VPS13B: variants seen among roughly 807,000 people sequenced by gnomAD.
The protein encoded by VPS13B is intermembrane lipid transfer protein VPS13B.
VPS13B carries 285 observed loss-of-function variants against 426.4 expected under a neutral mutation model. The observed-to-expected ratio is 0.67, with a 90% CI of 0.61 to 0.74. The LOEUF (loss-of-function observed/expected upper bound fraction) is 0.74. VPS13B is among the 30% of genes least tolerant of loss of function. The pLI is 0.00. For synonymous variants in VPS13B, 1,676 were observed against 1,676.4 expected (o/e 1.00, Z 0.01); for missense variants, 4,537 against 4,782.6 (o/e 0.95, Z 1.51).
At chr8:99,562,118 G>A (rs185681471) in intron 31 of VPS13B, among the ~76,000 whole-genome samples, 2 of 151,918 alleles carry the variant, frequency 1.3e-5, no homozygotes, top group Non-Finnish European at 2.9e-5. Context: ...TTGTTTTTTG[G>A]TAAGCTAACA....
chr8:99,273,611 C>A (rs1030471258), intron 17 of VPS13B, among the ~76,000 whole-genome samples: 1 of 151,818 alleles, frequency 6.6e-6, no homozygotes, highest in Admixed American at 6.6e-5. Context: ...ATGCTGAAAC[C>A]GCGTCTCTAC....
chr8:99,542,466 G>A (rs1455093565), intron 30 of VPS13B, among the ~76,000 whole-genome samples: 1 of 152,140 alleles, frequency 6.6e-6, no homozygotes, highest in Non-Finnish European at 1.5e-5. Flanking sequence ...AGGAAAAGAA[G>A]GTGGTCAGAA....
Position 99,267,551 on chromosome 8 carries a change from A to G in VPS13B, c.2516-6647A>G, listed in dbSNP as rs149579916. On this transcript the variant is annotated intron_variant, in intron 17 of 61. Coordinates refer to ENST00000357162, the MANE Select transcript of VPS13B (RefSeq NM_152564.5). ...GAGACCATCCTGGCTAACATGGAGA[A>G]ACCCTTCTCTACTAAAAATACAAAA... Among the ~76,000 whole-genome samples, 1,328 of 152,080 alleles carry G rather than the reference A, an allele frequency of 8.7e-3. 14 individuals are homozygous for G. The highest frequency in any genetic ancestry group is 0.014 in the Non-Finnish European group (942 of 67,968).
rs1162199533 is a variant in VPS13B at position 99,642,623 on chromosome 8, A to G, written c.5908+125A>G. ...AAAGTCTTTTCTCTACAGAATATGG[A>G]AAGTTCATGTTCCACAGCTGAATCC... On this transcript the variant is annotated intron_variant, in intron 34 of 61. Transcript: ENST00000357162. 5 of 833,100 alleles carry G rather than the reference A, an allele frequency of 6.0e-6. No individual in the cohort carries two copies. In the Admixed American group the frequency reaches 1.2e-4, roughly 20 times the overall value. The allele number at this position is 833,100 out of a possible 1,614,324, so 51.6% of individuals were successfully genotyped here.
Position 99,378,598 on chromosome 8 carries a change from A to T in VPS13B, c.2825-5610A>T, listed in dbSNP as rs571873496. Among the ~76,000 whole-genome samples, 5 of 152,204 alleles carry T rather than the reference A, an allele frequency of 3.3e-5. No individual in the cohort carries two copies. The East Asian group carries it at 9.6e-4, about 29-fold the overall frequency. On this transcript the variant is annotated intron_variant, in intron 19 of 61. Coordinates refer to ENST00000357162, the MANE Select transcript of VPS13B (RefSeq NM_152564.5). Reference sequence around the variant, plus strand: ...TATAAAAGTATTAATTTGGAGAACTAACAAATGTCCATGAAATCTTCACAA... The same window carrying T: ...TATAAAAGTATTAATTTGGAGAACTTACAAATGTCCATGAAATCTTCACAA...
chr8:99,763,135 C>CAGAA (rs1298112887), intron 39 of VPS13B, among the ~76,000 whole-genome samples: 1 of 35,848 alleles, frequency 2.8e-5, no homozygotes, highest in African/African-American at 1.4e-4. Flanking sequence ...GACCTTGTCT[C>CAGAA]AAAAAAAAAA....
chr8:99,561,794 T>C (rs1824936136), intron 31 of VPS13B, among the ~76,000 whole-genome samples: 1 of 152,254 alleles, frequency 6.6e-6, no homozygotes, highest in African/African-American at 2.4e-5. Flanking sequence ...GAGGATCATC[T>C]GTACACTACA....
intron 2 of VPS13B, among the ~76,000 whole-genome samples, chr8:99,029,382 G>A (rs1466878091): frequency 7.9e-5 from 12 of 151,934 alleles, no homozygotes; most frequent in Admixed American, 2.0e-4. Flanking sequence ...GGTGGCGGCC[G>A]GGCAGAGGCT....
At chr8:99,114,003 A>G (rs928726045) in intron 6 of VPS13B, among the ~76,000 whole-genome samples, 1 of 152,142 alleles carries the variant, frequency 6.6e-6, no homozygotes, top group Non-Finnish European at 1.5e-5. Context: ...TACAGATCCT[A>G]TGGGTACGTA....
chr8:99,462,585 A>C (rs1159297269), intron 23 of VPS13B, among the ~76,000 whole-genome samples: 1 of 152,148 alleles, frequency 6.6e-6, no homozygotes, highest in Non-Finnish European at 1.5e-5. Context: ...AGATTTTCAC[A>C]TACCTGACTT....
chr8:99,015,493 G>T (rs1023856914), intron 2 of VPS13B, among the ~76,000 whole-genome samples: 1 of 151,456 alleles, frequency 6.6e-6, no homozygotes, highest in African/African-American at 2.4e-5. Context: ...TGGGATTACA[G>T]GCATGAGCCA....
intron 51 of VPS13B, 44 bp downstream of exon 51, chr8:99,824,022 A>G (rs1814526934): frequency 2.5e-6 from 4 of 1,600,158 alleles, no homozygotes; most frequent in Non-Finnish European, 3.4e-6. Context: ...TTTGATAAAG[A>G]AACAATAAAT....
At position 99,808,142 on chromosome 8, in the gene VPS13B, T is replaced by C. The variant is rs528483664; in HGVS notation, c.7942-1233T>C. ...TGGGAGTTTTTCATGAGATTTACCT[T>C]TGGTTAGCTCTGTTAAAAAATTATA... On this transcript the variant is annotated intron_variant, in intron 43 of 61. Transcript: ENST00000357162. Among the ~76,000 whole-genome samples, 12 of 152,246 alleles carry C rather than the reference T, an allele frequency of 7.9e-5. No homozygotes were observed. In the East Asian group the frequency reaches 2.3e-3, roughly 29 times the overall value.
intron 3 of VPS13B, among the ~76,000 whole-genome samples, chr8:99,095,961 AT>A (rs1478428313): frequency 6.6e-6 from 1 of 152,112 alleles, no homozygotes; most frequent in East Asian, 1.9e-4. Context: ...CTTTTTATTT[AT>A]TTTGCACTTA....
intron 19 of VPS13B, among the ~76,000 whole-genome samples, chr8:99,328,003 G>T (rs1399750188): frequency 6.6e-6 from 1 of 152,186 alleles, no homozygotes; most frequent in African/African-American, 2.4e-5. Flanking sequence ...CCGATCTGTT[G>T]GCCATAGGCC....
intron 22 of VPS13B, among the ~76,000 whole-genome samples, chr8:99,437,796 C>T (rs1029571709): frequency 6.6e-6 from 1 of 152,228 alleles, no homozygotes; most frequent in African/African-American, 2.4e-5. Flanking sequence ...TTCACCGGTT[C>T]TTTCCAAGTT....
Position 99,367,798 on chromosome 8 carries a change from C to T in VPS13B, c.2825-16410C>T, listed in dbSNP as rs1347666022. ...TCTCCCGAGTAGCTGGGATTACAGGCGTATGCCACCACGCCCAGCTAATTT... is the reference window on the plus strand; with the variant it reads ...TCTCCCGAGTAGCTGGGATTACAGGTGTATGCCACCACGCCCAGCTAATTT... On this transcript the variant is annotated intron_variant, in intron 19 of 61. Coordinates refer to ENST00000357162, the MANE Select transcript of VPS13B (RefSeq NM_152564.5). Among the ~76,000 whole-genome samples, 5 of 152,194 alleles carry T rather than the reference C, an allele frequency of 3.3e-5. No homozygotes were observed. In the South Asian group the frequency reaches 6.2e-4, roughly 19 times the overall value.
At chr8:99,691,772 A>T (rs1201012275) in intron 35 of VPS13B, among the ~76,000 whole-genome samples, 7 of 145,982 alleles carry the variant, frequency 4.8e-5, no homozygotes, top group Admixed American at 1.4e-4. Context: ...GTCAAGACCC[A>T]TCAGTGTGCT....
chr8:99,360,031 A>G (rs2133232270), intron 19 of VPS13B, among the ~76,000 whole-genome samples: 1 of 150,900 alleles, frequency 6.6e-6, no homozygotes, highest in Non-Finnish European at 1.5e-5. Flanking sequence ...TCAAACTCCC[A>G]ACCTCAAGTG....
Sources: allele counts gnomAD v4.1 joint callset (sites outside exome capture counted in the v4.1 genomes callset), GRCh38; gene constraint gnomAD v4.1.1; transcripts MANE v1.5; gene names NCBI Gene and HGNC (gene_info 2026-07-23, HGNC 2026-07-21).